The following NRIP1 variants were observed in gnomAD, a reference collection of about 807,000 sequenced individuals.
The protein encoded by NRIP1 is nuclear receptor-interacting protein 1.
In NRIP1, 28 loss-of-function variants were observed where a neutral mutation model predicts 75.0. That is an observed-to-expected ratio of 0.37 (90% CI 0.28 to 0.51). The LOEUF (loss-of-function observed/expected upper bound fraction) is 0.51, where lower values mean the gene tolerates loss of function less well. NRIP1 is among the 20% of genes least tolerant of loss of function. The probability of loss-of-function intolerance (pLI) is 0.92; values close to 1 mark genes in which losing one functional copy is unlikely to be tolerated. For synonymous variants in NRIP1, 526 were observed against 487.6 expected, an observed-to-expected ratio of 1.08 and a Z score of -1.04; for missense variants, 1,435 against 1,343.7, an observed-to-expected ratio of 1.07 and a Z score of -1.06.
intron 2 of NRIP1, among the ~76,000 whole-genome samples, chr21:15,019,734 C>T (rs961779471): frequency 2.0e-5 from 3 of 151,912 alleles, no homozygotes; most frequent in African/African-American, 7.3e-5. Context: ...GTGATCCACC[C>T]ACCTAGACCT....
intron 3 of NRIP1, among the ~76,000 whole-genome samples, chr21:15,003,250 G>A (rs1431447249): frequency 6.6e-6 from 1 of 152,014 alleles, no homozygotes; most frequent in African/African-American, 2.4e-5. Flanking sequence ...TGCAAACTAG[G>A]CAAAAATTAA....
At chr21:15,044,613 T>C (rs890433487) in intron 1 of NRIP1, among the ~76,000 whole-genome samples, 1 of 152,128 alleles carries the variant, frequency 6.6e-6, no homozygotes, top group Non-Finnish European at 1.5e-5. Flanking sequence ...CTATAACCTA[T>C]GATCAGTTCT....
In NRIP1 at chr21:15,059,531, G is replaced by A. The variant is rs550333077; in HGVS notation, c.-538+5214C>T. Among the ~76,000 whole-genome samples the A allele has an allele frequency of 1.7e-3, 251 of 151,948 alleles. 1 individual carries two copies. Among genetic ancestry groups the A allele is most frequent in the African/African-American group, 5.9e-3 (243 of 41,462 alleles). On this transcript the variant is annotated intron_variant, in intron 1 of 3. Transcript: ENST00000318948. ...ATGTATTGAAAGTGGAAAGAAGGAA[G>A]GGAGGGAAGGAGGGAAGGAGAGAGG...
chr21:14,996,358 C>T (rs910620898), intron 3 of NRIP1, among the ~76,000 whole-genome samples: 7 of 152,122 alleles, frequency 4.6e-5, no homozygotes, highest in Non-Finnish European at 1.0e-4. Context: ...TCCCAGAACA[C>T]CAACAGTGCT....
At chr21:15,065,300 G>C (rs1257373222), upstream of NRIP1, among the ~76,000 whole-genome samples, 1 of 151,918 alleles carries the variant, frequency 6.6e-6, no homozygotes, top group Non-Finnish European at 1.5e-5. Flanking sequence ...CGAGAGGACC[G>C]CGTCCCCGAG....
intron 2 of NRIP1, among the ~76,000 whole-genome samples, chr21:15,037,612 C>G (rs1423520246): frequency 6.6e-6 from 1 of 152,116 alleles, no homozygotes; most frequent in Non-Finnish European, 1.5e-5. Flanking sequence ...TCCGAGTGAT[C>G]ATACAAATCA....
intron 3 of NRIP1, among the ~76,000 whole-genome samples, chr21:14,978,444 C>T (rs2087138650): frequency 6.6e-6 from 1 of 152,172 alleles, no homozygotes; most frequent in Non-Finnish European, 1.5e-5. Flanking sequence ...TATCTATGTT[C>T]ACAACTTTCT....
intron 2 of NRIP1, among the ~76,000 whole-genome samples, chr21:15,025,706 A>G (rs181944163): frequency 6.6e-6 from 1 of 152,308 alleles, no homozygotes; most frequent in African/African-American, 2.4e-5. Context: ...CAGAGGATGC[A>G]AAGAGAAGAC....
chr21:14,974,275 G>A, intron 3 of NRIP1: 1 of 152,206 alleles, frequency 6.6e-6, no homozygotes, highest in African/African-American at 2.4e-5. Context: ...CAGGTTCATG[G>A]ATGAACCTGG....
At chr21:15,041,438 G>C (rs991054754) in intron 2 of NRIP1, among the ~76,000 whole-genome samples, 2 of 152,052 alleles carry the variant, frequency 1.3e-5, no homozygotes, top group Admixed American at 6.6e-5. Context: ...GCAAATAAGG[G>C]TGTCTATTTG....
chr21:15,058,933 T>C (rs192355546), intron 1 of NRIP1, among the ~76,000 whole-genome samples: 118 of 152,246 alleles, frequency 7.8e-4, no homozygotes, highest in Middle Eastern at 3.4e-3. Flanking sequence ...AAAAGTAAAA[T>C]AATGAAAGCA....
intron 2 of NRIP1, among the ~76,000 whole-genome samples, chr21:15,016,537 A>G (rs2147185009): frequency 6.6e-6 from 1 of 152,254 alleles, no homozygotes; most frequent in South Asian, 2.1e-4. Flanking sequence ...CTTCTTGAAA[A>G]AAGATTATAA....
chr21:14,989,029 G>A (rs2087492215), intron 3 of NRIP1, among the ~76,000 whole-genome samples: 1 of 152,140 alleles, frequency 6.6e-6, no homozygotes, highest in Non-Finnish European at 1.5e-5. Flanking sequence ...CGATCACCAG[G>A]TTCCTGAAGA....
At chr21:15,034,457 T>A (rs1163077022) in intron 2 of NRIP1, among the ~76,000 whole-genome samples, 1 of 152,226 alleles carries the variant, frequency 6.6e-6, no homozygotes, top group East Asian at 1.9e-4. Flanking sequence ...CAAGTCCATG[T>A]GGGAGTTTAC....
intron 2 of NRIP1, among the ~76,000 whole-genome samples, chr21:15,025,115 A>G (rs541813091): frequency 6.6e-6 from 1 of 152,226 alleles, no homozygotes; most frequent in African/African-American, 2.4e-5. Flanking sequence ...GTGGTGTGCA[A>G]TGTAGAAATC....
chr21:14,999,350 AT>A (rs1236142338), intron 3 of NRIP1, among the ~76,000 whole-genome samples: 1 of 152,100 alleles, frequency 6.6e-6, no homozygotes, highest in African/African-American at 2.4e-5. Flanking sequence ...GTTGTCACCC[AT>A]TCTTGGCATG....
In NRIP1 at chr21:14,967,565, G is replaced by C. The variant is rs1445367068; in HGVS notation, c.628C>G (p.Leu210Val). Reference protein sequence around the residue: ...DTNLPDVTKNLIRDRFAESPH... With the variant: ...DTNLPDVTKNVIRDRFAESPH... The stretch of plus-strand genomic sequence containing the variant: ...GACTCTGCAAACCTATCTCTGATGA[G>C]GTTTTTAGTCACATCAGGAAGATTC... The change falls in exon 4 of 4, where the codon CTC (leucine) becomes GTC (valine). Residue 210 changes from leucine to valine, a missense_variant. Transcript: ENST00000318948. 1.2e-6 allele frequency: 2 copies of C among 1,613,988 alleles called. No individual in the cohort carries two copies. Among genetic ancestry groups the C allele is most frequent in the African/African-American group, 1.3e-5 (1 of 74,898 alleles).
intron 3 of NRIP1, among the ~76,000 whole-genome samples, chr21:15,011,475 C>G (rs1448089608): frequency 1.3e-5 from 2 of 152,138 alleles, no homozygotes; most frequent in South Asian, 4.1e-4. Context: ...AAGCGTGAGC[C>G]ACCACGCCCA....
intron 2 of NRIP1, among the ~76,000 whole-genome samples, chr21:15,015,646 G>A (rs1254367135): frequency 6.6e-6 from 1 of 151,940 alleles, no homozygotes; most frequent in Admixed American, 6.6e-5. Context: ...GGAATATTAT[G>A]TAGTCATTAA....
Sources: allele counts gnomAD v4.1 joint callset (sites outside exome capture counted in the v4.1 genomes callset), GRCh38; gene constraint gnomAD v4.1.1; transcripts MANE v1.5; gene names NCBI Gene and HGNC (gene_info 2026-07-23, HGNC 2026-07-21).